Variants in ELMOD3 observed in about 807,000 individuals in gnomAD.
The protein encoded by ELMOD3 is ELMO domain containing 3.
Under a neutral mutation model 47.4 loss-of-function variants are expected in ELMOD3, and 36 were observed. That is an observed-to-expected ratio of 0.76 (90% CI 0.58 to 1.00). The LOEUF is 1.00. Among genes scored for constraint, ELMOD3 ranks in the 50% least tolerant of loss-of-function variants. The pLI is 0.00. For synonymous variants in ELMOD3, 149 were observed against 183.5 expected (o/e 0.81, Z 1.52); for missense variants, 404 against 463.8 (o/e 0.87, Z 1.18).
intron 4 of ELMOD3, among the ~76,000 whole-genome samples, chr2:85,359,595 CT>C (rs2104485555): frequency 6.6e-6 from 1 of 151,708 alleles, no homozygotes; most frequent in Admixed American, 6.6e-5. Context: ...AAAAAAAATA[CT>C]TTTTTGTATT....
chr2:85,390,633 T>G, intron 13 of ELMOD3, 127 bp from the exon 14 acceptor site: 6 of 1,492,556 alleles, frequency 4.0e-6, no homozygotes, highest in Non-Finnish European at 5.3e-6. Flanking sequence ...CATCTGAGGC[T>G]CCTTCACTTT....
At chr2:85,377,516 G>A in intron 11 of ELMOD3, 42 bp downstream of exon 11, 1 of 1,581,624 alleles carries the variant, frequency 6.3e-7, no homozygotes. Context: ...AAAGGGCCGT[G>A]GAGCTAGGAC....
intron 10 of ELMOD3, 101 bp from the exon 11 acceptor site, chr2:85,377,243 C>T (rs574032095): frequency 8.8e-6 from 10 of 1,133,172 alleles, no homozygotes; most frequent in Admixed American, 2.8e-5. Flanking sequence ...GCTCATGCTC[C>T]GCTAGCCTGG....
intron 11 of ELMOD3, among the ~76,000 whole-genome samples, chr2:85,383,552 T>A (rs1167712371): frequency 6.6e-6 from 1 of 152,056 alleles, no homozygotes; most frequent in Non-Finnish European, 1.5e-5. Context: ...TTGAACTCCT[T>A]ACCTCAGGTG....
intron 12 of ELMOD3, 98 bp downstream of exon 12, chr2:85,389,925 T>C: frequency 1.6e-6 from 2 of 1,234,744 alleles, no homozygotes; most frequent in East Asian, 2.3e-5. Flanking sequence ...ACCTGCTGGC[T>C]CCTGGAGGGC....
rs555307695 is a variant in ELMOD3 at position 85,356,888 on chromosome 2, A to T, written c.-232-79A>T. ...AGGGCAAGACTCCAACTCAAAAAAA[A>T]AAAAAAATTGTCAACAGAGGCATAA... On this transcript the variant is annotated intron_variant, in intron 3 of 13. Coordinates refer to ENST00000409013, the MANE Select transcript of ELMOD3 (RefSeq NM_001135022.2). 143 of 187,472 alleles carry T rather than the reference A, an allele frequency of 7.6e-4. 3 individuals are homozygous for T. Among genetic ancestry groups the T allele is most frequent in the East Asian group, 5.2e-4 (4 of 7,690 alleles). 11.6% of individuals were successfully genotyped at this position (187,472 alleles called of 1,614,324 possible).
Position 85,359,405 on chromosome 2 carries a change from CT to C in ELMOD3, c.54+2173del, listed in dbSNP as rs765640567. On this transcript the variant is annotated intron_variant, in intron 4 of 13. Transcript: ENST00000409013. ...TGAAACACAGTAGTTTTACATGACT[CT>C]TTTTTTTTTTTTTTTTTTTGAGATG... Among the ~76,000 whole-genome samples the C allele has an allele frequency of 3.2e-3, 346 of 106,982 alleles. 1 individual carries two copies. Among genetic ancestry groups the C allele is most frequent in the African/African-American group, 0.01 (273 of 26,088 alleles). 70.2% of individuals were successfully genotyped at this position (106,982 alleles called of 152,430 possible).
In ELMOD3 at chr2:85,371,220, T is replaced by C; in HGVS notation, c.484+11T>C. ...TGACCATTGCTCAGTGTGAGTGCAA[T>C]GCGAGCCCACAGGGCAGTTGCTGCA... is the stretch of plus-strand genomic sequence containing the variant. On this transcript the variant is annotated intron_variant, in intron 9 of 13. Coordinates refer to ENST00000409013, the MANE Select transcript of ELMOD3 (RefSeq NM_001135022.2). 1 of 1,614,218 alleles carries C rather than the reference T, an allele frequency of 6.2e-7. No homozygotes were observed. Among genetic ancestry groups the C allele is most frequent in the Middle Eastern group, 1.6e-4 (1 of 6,062 alleles).
At chr2:85,360,371 T>G (rs78562475) in intron 4 of ELMOD3, among the ~76,000 whole-genome samples, 1 of 151,676 alleles carries the variant, frequency 6.6e-6, no homozygotes, top group Non-Finnish European at 1.5e-5. Context: ...TTTTTTTTTT[T>G]GAGATGGAGT....
Position 85,367,426 on chromosome 2 carries a change from G to A in ELMOD3, c.200-1260G>A, listed in dbSNP as rs1339558447. On this transcript the variant is annotated intron_variant, in intron 6 of 13. Transcript: ENST00000409013. ...GTCTGTGAAAAGGCACCAAGGGTGG[G>A]AGAGGGCAGAGCACATGGAGGAACT... Among the ~76,000 whole-genome samples, 8 of 152,238 alleles carry A rather than the reference G, an allele frequency of 5.3e-5. 1 individual carries two copies. The highest frequency in any genetic ancestry group is 5.2e-4 in the Admixed American group (8 of 15,288).
intron 12 of ELMOD3, 41 bp from the exon 13 acceptor site, chr2:85,390,097 T>TGAG: frequency 6.3e-7 from 1 of 1,580,434 alleles, no homozygotes; most frequent in Non-Finnish European, 8.7e-7. Context: ...GTCTCAGCCT[T>TGAG]CATCCACCGC....
chr2:85,356,558 G>A (rs1190140363), intron 3 of ELMOD3: 2 of 152,276 alleles, frequency 1.3e-5, no homozygotes, highest in Non-Finnish European at 2.9e-5. Context: ...GAGGCAAGTT[G>A]TTCATTCAGA....
chr2:85,391,122 C>T lies in ELMOD3; in HGVS notation c.*160C>T, dbSNP rs1274079010. On this transcript the variant is annotated 3_prime_UTR_variant, in exon 14 of 14. Transcript: ENST00000409013. ...GCTGTGGGAAGCCAAGTACCCTCACCGGCATGGGACATGAGGGGCAGCTAG... is the reference window on the plus strand; with the variant it reads ...GCTGTGGGAAGCCAAGTACCCTCACTGGCATGGGACATGAGGGGCAGCTAG... 22 of 676,240 alleles carry T rather than the reference C, an allele frequency of 3.3e-5. No individual in the cohort carries two copies. The highest frequency in any genetic ancestry group is 4.0e-4 in the Middle Eastern group (1 of 2,486). The allele number at this position is 676,240 out of a possible 1,614,324, so 41.9% of individuals were successfully genotyped here.
intron 10 of ELMOD3, among the ~76,000 whole-genome samples, chr2:85,374,946 T>TA (rs1365315127): frequency 6.6e-6 from 1 of 151,710 alleles, no homozygotes; most frequent in Admixed American, 6.6e-5. Flanking sequence ...CCATCTCTAC[T>TA]AAAAAAATAC....
At position 85,376,025 on chromosome 2, in the gene ELMOD3, A is replaced by G. The variant is rs1369594518; in HGVS notation, c.608-1319A>G. Among the ~76,000 whole-genome samples the G allele has an allele frequency of 6.6e-6, 1 of 152,068 alleles. No homozygotes were observed. The highest frequency in any genetic ancestry group is 1.5e-5 in the Non-Finnish European group (1 of 68,016). ...AGGATCATCTCCCTCTCTGCTGATC[A>G]GCAACCTTAATTCTACCTGCAGTCT... is the stretch of plus-strand genomic sequence containing the variant. On this transcript the variant is annotated intron_variant, in intron 10 of 13. Transcript: ENST00000409013. This position sits in a 1 kb window ranked among gnomAD's most constrained non-coding sequence, Gnocchi z 4.2.
chr2:85,359,471 G>A (rs1016900729), intron 4 of ELMOD3, among the ~76,000 whole-genome samples: 9 of 145,724 alleles, frequency 6.2e-5, no homozygotes, highest in South Asian at 2.2e-4. Flanking sequence ...GCAATGACGC[G>A]ATCTCGGCTC....
intron 4 of ELMOD3, among the ~76,000 whole-genome samples, chr2:85,361,283 C>T (rs577865699): frequency 2.0e-5 from 3 of 152,170 alleles, no homozygotes; most frequent in South Asian, 2.1e-4. Context: ...CACTAAACTT[C>T]GCTCACTCAG....
At chr2:85,379,363 C>T (rs781223025) in intron 11 of ELMOD3, among the ~76,000 whole-genome samples, 2 of 152,096 alleles carry the variant, frequency 1.3e-5, no homozygotes, top group Non-Finnish European at 2.9e-5. Flanking sequence ...CATGCCACCA[C>T]GTCCGGCTAA....
intron 3 of ELMOD3, chr2:85,356,368 C>T (rs1391140865): frequency 6.6e-6 from 1 of 152,382 alleles, no homozygotes; most frequent in Non-Finnish European, 1.5e-5. Flanking sequence ...CAAGGTGACA[C>T]CTTTAGCCTC....
Sources: gnomAD v4.1 joint callset for allele counts (sites outside exome capture counted in the v4.1 genomes callset) on GRCh38, gnomAD v4.1.1 for gene constraint, Gnocchi (gnomAD v3.1) non-coding constraint, MANE v1.5 for transcripts, NCBI Gene and HGNC (gene_info 2026-07-23, HGNC 2026-07-21) for gene names.